PTPN20: variants seen among roughly 807,000 people sequenced by gnomAD.
PTPN20 encodes tyrosine-protein phosphatase non-receptor type 20.
A neutral mutation model predicts 35.0 loss-of-function variants in PTPN20; 9 were observed. The observed-to-expected ratio is 0.26, with a 90% CI of 0.15 to 0.45. PTPN20 has a LOEUF of 0.45. PTPN20 is among the 20% of genes least tolerant of loss of function. The pLI is 1.00. For synonymous variants in PTPN20, 32 were observed against 100.2 expected (o/e 0.32, Z 4.06); for missense variants, 111 against 312.5 (o/e 0.36, Z 4.86).
intron 9 of PTPN20, among the ~76,000 whole-genome samples, chr10:46,993,049 G>T (rs1014694532): frequency 1.3e-5 from 2 of 152,174 alleles, no homozygotes; most frequent in Non-Finnish European, 2.9e-5. Flanking sequence ...GATTTCACAG[G>T]CAGTGTATAC....
At chr10:46,947,934 C>A in intron 5 of PTPN20, 3 of 452,912 alleles carry the variant, frequency 6.6e-6, no homozygotes, top group South Asian at 4.7e-5. Context: ...TTTGTGTAAA[C>A]ATAAGTTTCC....
rs1363287969 is a variant in PTPN20, at chr10:46,984,353, T to C, written c.707T>C (p.Ile236Thr). The change falls in exon 8 of 11, where the codon ATA (isoleucine) becomes ACA (threonine). Residue 236 changes from isoleucine to threonine, a missense_variant. Ile to Thr is a moderately conservative substitution (Grantham distance 89, BLOSUM62 -1). Coordinates refer to ENST00000374339, the MANE Select transcript of PTPN20 (RefSeq NM_001042357.5). ...IATQGPLLST[I>T]DDFWQMVLEN... ...ACTCAAGGACCACTGCTGAGCACCA[T>C]AGATGACTTTTGGCAAATGGTGTTG... The C allele has an allele frequency of 1.3e-5, 21 of 1,611,934 alleles. No individual in the cohort carries two copies. Among genetic ancestry groups the C allele is most frequent in the South Asian group, 5.5e-5 (5 of 91,000 alleles).
intron 1 of PTPN20, among the ~76,000 whole-genome samples, chr10:46,920,376 T>A (rs2034665569): frequency 8.4e-6 from 1 of 118,852 alleles, no homozygotes; most frequent in Non-Finnish European, 1.7e-5. Flanking sequence ...AGAGGGTGAT[T>A]TTTAGGGGAA....
intron 5 of PTPN20, among the ~76,000 whole-genome samples, chr10:46,949,531 G>C (rs1298134268): frequency 1.3e-5 from 2 of 151,814 alleles, no homozygotes; most frequent in Non-Finnish European, 2.9e-5. Flanking sequence ...CTCTCTAATG[G>C]GTTCAATAAA....
chr10:46,951,214 C>T (rs1165810360), intron 5 of PTPN20, among the ~76,000 whole-genome samples: 7 of 152,156 alleles, frequency 4.6e-5, no homozygotes, highest in East Asian at 3.9e-4. Flanking sequence ...AGGCTGGTCT[C>T]GAACTCCTGA....
At position 46,968,654 on chromosome 10, in the gene PTPN20, A is replaced by C. The variant is rs1414133790; in HGVS notation, c.583+607A>C. Among the ~76,000 whole-genome samples the C allele has an allele frequency of 2.0e-5, 3 of 152,324 alleles. No homozygotes were observed. The East Asian group carries it at 5.8e-4, about 29-fold the overall frequency. On this transcript the variant is annotated intron_variant, in intron 7 of 10. Coordinates refer to ENST00000374339, the MANE Select transcript of PTPN20 (RefSeq NM_001042357.5). ...CAATGCAATTTTAATCTTAGGCAGGATATCTCATTCCATAACTCACATTCC... is the reference window on the plus strand; with the variant it reads ...CAATGCAATTTTAATCTTAGGCAGGCTATCTCATTCCATAACTCACATTCC...
chr10:46,953,113 G>A (rs2047196500), intron 5 of PTPN20, among the ~76,000 whole-genome samples: 1 of 142,640 alleles, frequency 7.0e-6, no homozygotes, highest in Non-Finnish European at 1.5e-5. Flanking sequence ...TATTGTAAAT[G>A]AGACTTATGA....
intron 5 of PTPN20, among the ~76,000 whole-genome samples, chr10:46,950,522 G>A (rs2046329088): frequency 6.6e-6 from 1 of 151,860 alleles, no homozygotes; most frequent in African/African-American, 2.4e-5. Flanking sequence ...GGGGACACAG[G>A]AGCATCAGGG....
At chr10:46,977,215 C>T (rs1250499555) in intron 7 of PTPN20, among the ~76,000 whole-genome samples, 2,035 of 149,954 alleles carry the variant, frequency 0.014, no homozygotes, top group African/African-American at 0.032. Flanking sequence ...TGCCTTTGCA[C>T]TCAAGACTAC....
intron 9 of PTPN20, among the ~76,000 whole-genome samples, chr10:46,993,206 G>A (rs1367386658): frequency 1.3e-5 from 2 of 152,200 alleles, no homozygotes; most frequent in Admixed American, 1.3e-4. Context: ...GGGTAGCGAT[G>A]ATCCCCTGCC....
intron 5 of PTPN20, among the ~76,000 whole-genome samples, chr10:46,949,124 T>C (rs1370660378): frequency 6.6e-6 from 1 of 151,906 alleles, no homozygotes; most frequent in Non-Finnish European, 1.5e-5. Flanking sequence ...CTGGGAGAAA[T>C]AGGTCTAAGT....
In PTPN20 at chr10:47,002,126, TAAATC is replaced by T. The variant is rs1197663973; in HGVS notation, c.*1390_*1394del. ...TATATGCCAAAAATATATTTGATGT[TAAATC>T]AAATAGATGATTCTGTTTACATTGT... On this transcript the variant is annotated 3_prime_UTR_variant, in exon 11 of 11. Coordinates refer to ENST00000374339, the MANE Select transcript of PTPN20 (RefSeq NM_001042357.5). The T allele has an allele frequency of 2.6e-5, 4 of 152,256 alleles. No homozygotes were observed. Among genetic ancestry groups the T allele is most frequent in the African/African-American group, 7.2e-5 (3 of 41,452 alleles). The allele number at this position is 152,256 out of a possible 1,614,324, so 9.4% of individuals were successfully genotyped here.
chr10:46,928,478 C>A (rs2038449798), intron 1 of PTPN20, among the ~76,000 whole-genome samples: 1 of 152,104 alleles, frequency 6.6e-6, no homozygotes. Flanking sequence ...AATATGAATC[C>A]TTTTATTTTA....
At chr10:46,925,495 T>TTGCTGC (rs1183970748) in intron 1 of PTPN20, among the ~76,000 whole-genome samples, 4 of 147,104 alleles carry the variant, frequency 2.7e-5, no homozygotes, top group Admixed American at 6.7e-5. Context: ...TGAGGAGAAC[T>TTGCTGC]TGCTGCTGCT....
At chr10:47,000,643 A>T in intron 10 of PTPN20, 33 bp from the exon 11 acceptor site, 1 of 1,609,392 alleles carries the variant, frequency 6.2e-7, no homozygotes, top group Non-Finnish European at 8.5e-7. Context: ...CAATTACTTA[A>T]CATTCTGTTG....
chr10:46,995,281 G>A (rs2137684226), intron 9 of PTPN20, among the ~76,000 whole-genome samples: 1 of 145,426 alleles, frequency 6.9e-6, no homozygotes, highest in East Asian at 2.1e-4. Context: ...GTTTTTTATT[G>A]AATGTATTTG....
chr10:46,970,668 G>C (rs1434397233), intron 7 of PTPN20, among the ~76,000 whole-genome samples: 1 of 150,558 alleles, frequency 6.6e-6, no homozygotes, highest in Non-Finnish European at 1.5e-5. Context: ...TGCAGCCTAA[G>C]GCACCTGTGG....
At chr10:46,935,558 C>T (rs1199076324) in intron 2 of PTPN20, among the ~76,000 whole-genome samples, 2 of 140,936 alleles carry the variant, frequency 1.4e-5, no homozygotes, top group Non-Finnish European at 3.0e-5. Context: ...TCTCAAACTC[C>T]TGACCTCAGG....
At chr10:46,941,568 C>T (rs1302011896) in intron 3 of PTPN20, among the ~76,000 whole-genome samples, 17 of 124,036 alleles carry the variant, frequency 1.4e-4, no homozygotes, top group South Asian at 5.9e-4. Flanking sequence ...GAAGCAGAGA[C>T]GATTTGAAAG....
Sources: gnomAD v4.1 joint callset for allele counts (sites outside exome capture counted in the v4.1 genomes callset) on GRCh38, gnomAD v4.1.1 for gene constraint, MANE v1.5 for transcripts, NCBI Gene and HGNC (gene_info 2026-07-23, HGNC 2026-07-21) for gene names.